The following LRRTM4 variants were observed in gnomAD, a reference collection of about 807,000 sequenced individuals.
The protein encoded by LRRTM4 is leucine-rich repeat transmembrane neuronal protein 4.
Under a neutral mutation model 47.6 loss-of-function variants are expected in LRRTM4, and 25 were observed. The observed-to-expected ratio is 0.53, with a 90% CI of 0.38 to 0.73. The LOEUF is 0.73. LRRTM4 is among the 30% of genes least tolerant of loss of function. LRRTM4 has a pLI of 0.00. For missense variants in LRRTM4, 638 were observed against 713.4 expected, an observed-to-expected ratio of 0.89 and a Z score of 1.20; for synonymous variants, 311 against 269.5, an observed-to-expected ratio of 1.15 and a Z score of -1.51.
chr2:76,816,554 ATTTTTTAT>A (rs1315422833), intron 3 of LRRTM4, among the ~76,000 whole-genome samples: 5 of 151,834 alleles, frequency 3.3e-5, no homozygotes, highest in Admixed American at 1.3e-4. Context: ...ATTTTTATTT[ATTTTTTAT>A]TTTTTTATTT....
intron 3 of LRRTM4, among the ~76,000 whole-genome samples, chr2:77,316,563 T>G (rs964014515): frequency 1.6e-4 from 25 of 152,208 alleles, no homozygotes; most frequent in Admixed American, 4.6e-4. Context: ...TTTTTTTTTT[T>G]TTGAGACATA....
At chr2:77,504,941 G>C (rs1189131206) in intron 3 of LRRTM4, among the ~76,000 whole-genome samples, 1 of 151,194 alleles carries the variant, frequency 6.6e-6, no homozygotes, top group Non-Finnish European at 1.5e-5. Flanking sequence ...TCCAAAAGGG[G>C]TTCTACAAAG....
chr2:77,030,242 C>A lies in LRRTM4; in HGVS notation c.1552-281326G>T, dbSNP rs1458812829. Among the ~76,000 whole-genome samples, 8 of 152,130 alleles carry A rather than the reference C, an allele frequency of 5.3e-5. No individual in the cohort carries two copies. The East Asian group carries it at 9.7e-4, about 18-fold the overall frequency. On this transcript the variant is annotated intron_variant, in intron 3 of 3. Coordinates refer to ENST00000409884, the MANE Select transcript of LRRTM4 (RefSeq NM_001134745.3). Reference sequence around the variant, plus strand: ...GGTCAGGAGATCGAGACCATCCTGGCTAACACAGTGAAACCCTGTCTCTAC... The same window carrying A: ...GGTCAGGAGATCGAGACCATCCTGGATAACACAGTGAAACCCTGTCTCTAC...
intron 3 of LRRTM4, among the ~76,000 whole-genome samples, chr2:76,871,734 C>T (rs937486997): frequency 2.0e-5 from 3 of 152,092 alleles, no homozygotes; most frequent in African/African-American, 7.2e-5. Context: ...TTGTGTATTC[C>T]ATACTATTGT....
intron 3 of LRRTM4, among the ~76,000 whole-genome samples, chr2:77,352,859 T>C (rs1007554332): frequency 6.6e-6 from 1 of 152,082 alleles, no homozygotes; most frequent in Non-Finnish European, 1.5e-5. Context: ...CTATTCAAGA[T>C]TTTTAGCAAG....
intron 3 of LRRTM4, among the ~76,000 whole-genome samples, chr2:76,874,356 T>C (rs1672720768): frequency 1.3e-5 from 2 of 152,008 alleles, no homozygotes. Flanking sequence ...TCTTTGTTTA[T>C]TCTATGGCTA....
At chr2:76,779,827 T>A (rs917244802) in intron 3 of LRRTM4, among the ~76,000 whole-genome samples, 1 of 152,194 alleles carries the variant, frequency 6.6e-6, no homozygotes, top group Non-Finnish European at 1.5e-5. Flanking sequence ...GTTATTTTGC[T>A]CGTTAGTTGA....
intron 3 of LRRTM4, among the ~76,000 whole-genome samples, chr2:76,872,501 A>G (rs1672651921): frequency 6.6e-6 from 1 of 151,864 alleles, no homozygotes; most frequent in Non-Finnish European, 1.5e-5. Flanking sequence ...CTTTGTCCTC[A>G]TCACAAAACC....
intron 3 of LRRTM4, among the ~76,000 whole-genome samples, chr2:77,426,937 G>A (rs1387266563): frequency 6.6e-6 from 1 of 150,384 alleles, no homozygotes; most frequent in Non-Finnish European, 1.5e-5. Flanking sequence ...ATGGCTGCCT[G>A]TATTCCCCTT....
intron 3 of LRRTM4, among the ~76,000 whole-genome samples, chr2:77,468,983 C>T (rs778100825): frequency 5.3e-5 from 8 of 152,178 alleles, no homozygotes; most frequent in African/African-American, 1.9e-4. Context: ...AAATTGAAAA[C>T]GAATCCAGCT....
intron 3 of LRRTM4, among the ~76,000 whole-genome samples, chr2:77,283,058 A>G (rs1280313564): frequency 6.6e-6 from 1 of 152,098 alleles, no homozygotes; most frequent in African/African-American, 2.4e-5. Context: ...AGAATGGTAG[A>G]AAATATTCAC....
chr2:76,989,790 G>A (rs1346534385), intron 3 of LRRTM4: 1 of 151,670 alleles, frequency 6.6e-6, no homozygotes, highest in Non-Finnish European at 1.5e-5. Context: ...TTTCTATAAT[G>A]TTTCTAAACT....
chr2:77,139,100 G>A (rs766756022), intron 3 of LRRTM4, among the ~76,000 whole-genome samples: 2 of 152,078 alleles, frequency 1.3e-5, no homozygotes, highest in African/African-American at 4.8e-5. Context: ...AGAAAAAGAA[G>A]GAATCCTCCC....
At chr2:77,514,503 T>A (rs892152972) in intron 3 of LRRTM4, among the ~76,000 whole-genome samples, 3 of 152,074 alleles carry the variant, frequency 2.0e-5, no homozygotes, top group Non-Finnish European at 2.9e-5. Flanking sequence ...AGTATATTTT[T>A]AAAATTTTGC....
At chr2:77,134,035 C>T (rs768871097) in intron 3 of LRRTM4, among the ~76,000 whole-genome samples, 1 of 152,182 alleles carries the variant, frequency 6.6e-6, no homozygotes, top group South Asian at 2.1e-4. Flanking sequence ...GATTAAAAAG[C>T]ACTTGAAAAG....
At chr2:77,478,972 G>A (rs1185538602) in intron 3 of LRRTM4, among the ~76,000 whole-genome samples, 3 of 152,044 alleles carry the variant, frequency 2.0e-5, no homozygotes, top group Non-Finnish European at 2.9e-5. Context: ...TAGGCTCACT[G>A]CAACCTCCGC....
chr2:76,769,525 GAAAA>G (rs70939834), intron 3 of LRRTM4, among the ~76,000 whole-genome samples: 1 of 147,674 alleles, frequency 6.8e-6, no homozygotes, highest in South Asian at 2.1e-4. Context: ...ACTTGCAACT[GAAAA>G]AAAAACAAAA....
At chr2:76,994,566 A>C (rs1011557445) in intron 3 of LRRTM4, among the ~76,000 whole-genome samples, 1 of 151,940 alleles carries the variant, frequency 6.6e-6, no homozygotes, top group African/African-American at 2.4e-5. Flanking sequence ...AGATTGTGGC[A>C]GGCTAACCTA....
At chr2:77,471,863 C>A (rs958237344) in intron 3 of LRRTM4, among the ~76,000 whole-genome samples, 2 of 152,282 alleles carry the variant, frequency 1.3e-5, no homozygotes, top group African/African-American at 4.8e-5. Context: ...GATGTACACA[C>A]ATATACAGTT....
Sources: allele counts gnomAD v4.1 joint callset (sites outside exome capture counted in the v4.1 genomes callset), GRCh38; gene constraint gnomAD v4.1.1; transcripts MANE v1.5; gene names NCBI Gene and HGNC (gene_info 2026-07-23, HGNC 2026-07-21).